The following FGB variants were observed in gnomAD, a reference collection of about 807,000 sequenced individuals.
The protein encoded by FGB is fibrinogen beta chain, also known as beta-fibrinogen.
FGB carries 25 observed loss-of-function variants against 57.9 expected under a neutral mutation model. The observed-to-expected ratio is 0.43, with a 90% CI of 0.31 to 0.60. FGB has a LOEUF of 0.60. Among genes scored for constraint, FGB ranks in the 20% least tolerant of loss-of-function variants. FGB has a pLI of 0.08. For synonymous variants in FGB, 203 were observed against 199.2 expected (o/e 1.02, Z -0.16); for missense variants, 536 against 598.4 (o/e 0.90, Z 1.09).
chr4:154,569,417 T>A, intron 6 of FGB, 97 bp from the exon 7 acceptor site: 1 of 1,583,708 alleles, frequency 6.3e-7, no homozygotes, highest in Non-Finnish European at 8.6e-7. Context: ...AGGAGTTTCC[T>A]GACAAAAATG....
At chr4:154,569,474 A>G in intron 6 of FGB, 40 bp from the exon 7 acceptor site, 1 of 1,601,854 alleles carries the variant, frequency 6.2e-7, no homozygotes, top group South Asian at 1.1e-5. Flanking sequence ...GTTTCCCAAA[A>G]TTTTATTTTT....
At chr4:154,563,361 A>T (rs1300472217) in intron 1 of FGB, among the ~76,000 whole-genome samples, 1 of 151,876 alleles carries the variant, frequency 6.6e-6, no homozygotes, top group Non-Finnish European at 1.5e-5. Context: ...TAAGATGAGG[A>T]TGGCTTAGCT....
intron 3 of FGB, 150 bp downstream of exon 3, chr4:154,566,822 C>T (rs1730182472): frequency 4.1e-6 from 3 of 723,406 alleles, no homozygotes; most frequent in Non-Finnish European, 4.9e-6. Context: ...TGCAACTTGC[C>T]AGATAAGCAC....
At chr4:154,568,333 G>A in intron 4 of FGB, 48 bp from the exon 5 acceptor site, 1 of 970,806 alleles carries the variant, frequency 1.0e-6, no homozygotes, top group Non-Finnish European at 1.7e-6. Flanking sequence ...TAAATACAAA[G>A]TAATTATGTC....
chr4:154,564,273 C>T (rs151031248), intron 1 of FGB, among the ~76,000 whole-genome samples: 5 of 152,060 alleles, frequency 3.3e-5, no homozygotes, highest in Admixed American at 6.5e-5. Context: ...TAAGTATATA[C>T]TTTCTTTAAA....
Position 154,566,371 on chromosome 4 carries a change from C to T in FGB, c.307-118C>T, listed in dbSNP as rs552751283. On this transcript the variant is annotated intron_variant, in intron 2 of 7. Coordinates refer to ENST00000302068, the MANE Select transcript of FGB (RefSeq NM_005141.5). ...TTCGAATTTCTGGTCTTACAGAAAACCAAATAATAAATTTTTATGTTGGCT... is the reference window on the plus strand; with the variant it reads ...TTCGAATTTCTGGTCTTACAGAAAATCAAATAATAAATTTTTATGTTGGCT... The T allele has an allele frequency of 3.8e-3, 3,681 of 964,616 alleles. 7 individuals are homozygous for T. The highest frequency in any genetic ancestry group is 5.0e-3 in the Non-Finnish European group (3,045 of 614,252). The allele number at this position is 964,616 out of a possible 1,614,324, so 59.8% of individuals were successfully genotyped here. A position where few individuals can be genotyped will look rare whatever the true frequency, so the allele number is the denominator to read the frequency against.
intron 1 of FGB, chr4:154,565,277 C>T: frequency 2.5e-6 from 1 of 405,762 alleles, no homozygotes; most frequent in South Asian, 1.9e-5. Flanking sequence ...TAGCCGAGCT[C>T]CAGAGTACAT....
chr4:154,569,340 T>C, intron 6 of FGB, 33 bp downstream of exon 6: 1 of 1,613,516 alleles, frequency 6.2e-7, no homozygotes, highest in Non-Finnish European at 8.5e-7. Flanking sequence ...AAAATCATTC[T>C]ATTTGAAATG....
chr4:154,567,805 G>A lies in FGB; in HGVS notation c.703G>A (p.Val235Met). 1 of 1,612,348 alleles carries A rather than the reference G, an allele frequency of 6.2e-7. No individual in the cohort carries two copies. The highest frequency in any genetic ancestry group is 1.1e-5 in the South Asian group (1 of 91,060). ...ATGCACTGTCAGTTGCAATATTCCT[G>A]TGGTGTCTGGCAAAGGTAACTGATT... ...TPCTVSCNIPVVSGKECEEII... is the reference protein window; with the variant it reads ...TPCTVSCNIPMVSGKECEEII... The change falls in exon 4 of 8, where the codon GTG (valine) becomes ATG (methionine). Residue 235 changes from valine to methionine, a missense_variant. This residue lies in a region of FGB where 354 missense variants were observed against 383.4 expected (regional missense o/e 0.92). Coordinates refer to ENST00000302068, the MANE Select transcript of FGB (RefSeq NM_005141.5).
At chr4:154,569,453 G>T in intron 6 of FGB, 61 bp from the exon 7 acceptor site, 10 of 1,590,836 alleles carry the variant, frequency 6.3e-6, no homozygotes, top group Non-Finnish European at 7.7e-6. Flanking sequence ...AGGGAAGAAA[G>T]GCAGTTTTTA....
chr4:154,570,241 T>C lies in FGB; in HGVS notation c.1245-178T>C, dbSNP rs190711497. ...GATTGGCCACAAAGGCCCAGTTATC[T>C]CTCTTTCTTGCTATAGGGCACAGGA... On this transcript the variant is annotated intron_variant, in intron 7 of 7. Transcript: ENST00000302068. Among the ~76,000 whole-genome samples, 7 of 152,314 alleles carry C rather than the reference T, an allele frequency of 4.6e-5. No homozygotes were observed. In the East Asian group the frequency reaches 1.4e-3, roughly 29 times the overall value.
intron 2 of FGB, among the ~76,000 whole-genome samples, 183 bp downstream of exon 2, chr4:154,566,182 T>C (rs1402001475): frequency 1.3e-5 from 2 of 152,240 alleles, no homozygotes; most frequent in Non-Finnish European, 2.9e-5. Flanking sequence ...CTTTCTTGTT[T>C]TCTTTGGTCT....
intron 4 of FGB, among the ~76,000 whole-genome samples, 168 bp from the exon 5 acceptor site, chr4:154,568,213 G>A (rs1475432446): frequency 2.0e-5 from 3 of 152,048 alleles, no homozygotes; most frequent in African/African-American, 7.2e-5. Context: ...AAACTGGGTT[G>A]GACTTACTAA....
chr4:154,570,544 C>A lies in FGB; in HGVS notation c.1370C>A (p.Ala457Glu). The A allele has an allele frequency of 6.2e-7, 1 of 1,614,026 alleles. No individual in the cohort carries two copies. Among genetic ancestry groups the A allele is most frequent in the Non-Finnish European group, 8.5e-7 (1 of 1,179,976 alleles). Residue 457 changes from alanine to glutamate, a missense_variant, in exon 8 of 8, where the codon GCA becomes GAA. Around this residue, in one of 3 missense-constraint regions of FGB, gnomAD observed 177 missense variants for 193.7 expected, o/e 0.91. Transcript: ENST00000302068. ...YWGGQYTWDM[A>E]KHGTDDGVVW... ...GGTGGACAGTACACCTGGGACATGGCAAAGCATGGCACAGATGATGGTGTA... is the reference window on the plus strand; with the variant it reads ...GGTGGACAGTACACCTGGGACATGGAAAAGCATGGCACAGATGATGGTGTA...
Position 154,569,567 on chromosome 4 carries a change from A to G in FGB, c.1012A>G (p.Thr338Ala), listed in dbSNP as rs1487912751. The change falls in exon 7 of 8, where the codon ACA becomes GCA. Residue 338 changes from threonine (T) to alanine (A), a missense_variant. Thr to Ala is a moderately conservative substitution (Grantham distance 58). Transcript: ENST00000302068. Reference sequence around the variant, plus strand: ...TAGCCAGCTTACCAGGATGGGACCCACAGAACTTTTGATAGAAATGGAGGA... The same window carrying G: ...TAGCCAGCTTACCAGGATGGGACCCGCAGAACTTTTGATAGAAATGGAGGA... ...KISQLTRMGP[T>A]ELLIEMEDWK... 6.2e-7 allele frequency: 1 copy of G among 1,614,112 alleles called. No individual in the cohort carries two copies. The highest frequency in any genetic ancestry group is 1.3e-5 in the African/African-American group (1 of 75,040).
In FGB at chr4:154,571,077, G is replaced by A. The variant is rs1196345013; in HGVS notation, c.*427G>A. 2 of 272,088 alleles carry A rather than the reference G, an allele frequency of 7.4e-6. No homozygotes were observed. The highest frequency in any genetic ancestry group is 7.1e-6 in the Non-Finnish European group (1 of 141,188). 16.9% of individuals were successfully genotyped at this position (272,088 alleles called of 1,614,324 possible). ...AGATTTATTAATTAAACCAGACTCT[G>A]TTGCAATAAGTTAATGTTTTCTTGT... On this transcript the variant is annotated 3_prime_UTR_variant, in exon 8 of 8. Transcript: ENST00000302068.
Position 154,572,210 on chromosome 4 carries a change from C to A in FGB, c.*1560C>A, listed in dbSNP as rs1221808023. Among the ~76,000 whole-genome samples, 7 of 152,072 alleles carry A rather than the reference C, an allele frequency of 4.6e-5. No individual in the cohort carries two copies. On this transcript the variant is annotated 3_prime_UTR_variant, in exon 8 of 8. Coordinates refer to ENST00000302068, the MANE Select transcript of FGB (RefSeq NM_005141.5). Reference sequence around the variant, plus strand: ...CATTAAGTTTTTCCCCATTCCAGGACAGGTCAGGCCCTTTAAAAATTTCAA... The same window carrying A: ...CATTAAGTTTTTCCCCATTCCAGGAAAGGTCAGGCCCTTTAAAAATTTCAA...
chr4:154,570,245 T>A (rs1358666152), intron 7 of FGB, among the ~76,000 whole-genome samples, 174 bp from the exon 8 acceptor site: 2 of 152,226 alleles, frequency 1.3e-5, no homozygotes, highest in African/African-American at 4.8e-5. Flanking sequence ...GTTATCTCTC[T>A]TTCTTGCTAT....
In FGB at chr4:154,571,022, T is replaced by A. The variant is rs1463123653; in HGVS notation, c.*372T>A. ...CCACTTTTAAAACTATATTTATTTA[T>A]GTAGGATCTGTCAAAGAAAACTTCC... On this transcript the variant is annotated 3_prime_UTR_variant, in exon 8 of 8. Coordinates refer to ENST00000302068, the MANE Select transcript of FGB (RefSeq NM_005141.5). 3.2e-6 allele frequency: 1 copy of A among 311,494 alleles called. No homozygotes were observed. The highest frequency in any genetic ancestry group is 8.7e-5 in the East Asian group (1 of 11,458). 19.3% of individuals were successfully genotyped at this position (311,494 alleles called of 1,614,324 possible). A position where few individuals can be genotyped will look rare whatever the true frequency, so the allele number is the denominator to read the frequency against.
Sources: gnomAD v4.1 joint callset for allele counts (sites outside exome capture counted in the v4.1 genomes callset) on GRCh38, gnomAD v4.1.1 for gene constraint, gnomAD v4.1.1 regional missense constraint, MANE v1.5 for transcripts, NCBI Gene and HGNC (gene_info 2026-07-23, HGNC 2026-07-21) for gene names.